PRDM16: variants seen among roughly 807,000 people sequenced by gnomAD.
The protein encoded by PRDM16 is PR/SET domain 16.
PRDM16 carries 23 observed loss-of-function variants against 110.6 expected under a neutral mutation model. The ratio of observed to expected loss-of-function variants is 0.21; its 90% confidence interval spans 0.15 to 0.29. The LOEUF is 0.29. PRDM16 is among the 10% of genes least tolerant of loss of function. The pLI, the probability that PRDM16 is intolerant of heterozygous loss-of-function variation, is 1.00. For synonymous variants in PRDM16, 799 were observed against 781.8 expected (o/e 1.02, Z -0.37); for missense variants, 1,615 against 1,794.3 (o/e 0.90, Z 1.81).
intron 1 of PRDM16, among the ~76,000 whole-genome samples, chr1:3,105,149 G>A (rs575093712): frequency 2.0e-5 from 3 of 152,282 alleles, no homozygotes; most frequent in Admixed American, 6.5e-5. Context: ...CCCTCCCCAC[G>A]ATGGCCACAG....
chr1:3,237,199 C>T (rs977607762), intron 2 of PRDM16, among the ~76,000 whole-genome samples: 3 of 152,156 alleles, frequency 2.0e-5, no homozygotes, highest in Non-Finnish European at 4.4e-5. Flanking sequence ...GAGCCCCTGC[C>T]TGAGTGAAAT....
chr1:3,394,344 A>G, intron 4 of PRDM16: 1 of 367,160 alleles, frequency 2.7e-6, no homozygotes, highest in South Asian at 1.8e-5. Flanking sequence ...GGAGGGGGCC[A>G]GGCGGAGGAT....
At chr1:3,405,734 C>G (rs1413752696) in intron 8 of PRDM16, 86 bp downstream of exon 8, 1 of 1,369,432 alleles carries the variant, frequency 7.3e-7, no homozygotes, top group Non-Finnish European at 9.8e-7. Flanking sequence ...CCCCCAAGGT[C>G]TCCCCCGATC....
At chr1:3,076,760 C>T (rs181528682) in intron 1 of PRDM16, among the ~76,000 whole-genome samples, 129 of 152,316 alleles carry the variant, frequency 8.5e-4, no homozygotes, top group African/African-American at 2.6e-3. Flanking sequence ...GAAACCGGCT[C>T]GGCTTCCTTG....
chr1:3,380,931 G>T (rs377364333), intron 3 of PRDM16, among the ~76,000 whole-genome samples: 158 of 152,322 alleles, frequency 1.0e-3, no homozygotes, highest in African/African-American at 3.7e-3. Flanking sequence ...GCACAGGTGG[G>T]TCCCTAGACC....
chr1:3,198,852 G>A (rs997163288), intron 2 of PRDM16, among the ~76,000 whole-genome samples: 3 of 152,138 alleles, frequency 2.0e-5, no homozygotes, highest in East Asian at 1.9e-4. Context: ...GTTCAATCAT[G>A]TTCAAAAATA....
intron 1 of PRDM16, among the ~76,000 whole-genome samples, chr1:3,071,556 C>T (rs979058890): frequency 6.6e-6 from 1 of 152,264 alleles, no homozygotes; most frequent in African/African-American, 2.4e-5. Flanking sequence ...TTCAGGATCA[C>T]ACTGCCTGCC....
intron 1 of PRDM16, among the ~76,000 whole-genome samples, chr1:3,096,858 C>T (rs1386510362): frequency 1.3e-5 from 2 of 152,208 alleles, no homozygotes; most frequent in African/African-American, 4.8e-5. Flanking sequence ...TTCTGCCCAC[C>T]ACCAGGTGAG....
At chr1:3,126,463 G>A (rs1433172640) in intron 1 of PRDM16, among the ~76,000 whole-genome samples, 7 of 152,212 alleles carry the variant, frequency 4.6e-5, no homozygotes, top group African/African-American at 1.4e-4. Flanking sequence ...AGCACCTGGG[G>A]TCCAGACAGC....
At chr1:3,103,166 C>T (rs946791855) in intron 1 of PRDM16, among the ~76,000 whole-genome samples, 3 of 152,166 alleles carry the variant, frequency 2.0e-5, no homozygotes, top group Non-Finnish European at 4.4e-5. Context: ...TGAGCTGGGG[C>T]GGCTGTAACC....
At chr1:3,395,762 G>T (rs883679) in intron 4 of PRDM16, among the ~76,000 whole-genome samples, 13,534 of 152,204 alleles carry the variant, frequency 0.089, 628 homozygotes, top group African/African-American at 0.11. Context: ...GAGGCCCCTG[G>T]CAAGCTGCAG....
chr1:3,420,822 G>T (rs908313673), intron 12 of PRDM16, among the ~76,000 whole-genome samples: 2 of 152,200 alleles, frequency 1.3e-5, no homozygotes, highest in Non-Finnish European at 2.9e-5. Context: ...TGGGAGTGGG[G>T]AGAGGGGCTG....
rs756109644 is a variant in PRDM16, at chr1:3,436,629, G to A, written c.*2818G>A. ...GTGGCCCCAGGCCCCAGCGAGCCTC[G>A]CCCTCCCAGTTTTGCTCTGCCCAGC... On this transcript the variant is annotated 3_prime_UTR_variant, in exon 17 of 17. Coordinates refer to ENST00000270722, the MANE Select transcript of PRDM16 (RefSeq NM_022114.4). 20 of 222,398 alleles carry A rather than the reference G, an allele frequency of 9.0e-5. No homozygotes were observed. The highest frequency in any genetic ancestry group is 1.9e-4 in the South Asian group (1 of 5,262). The allele number at this position is 222,398 out of a possible 1,614,324, so 13.8% of individuals were successfully genotyped here.
intron 1 of PRDM16, among the ~76,000 whole-genome samples, chr1:3,114,202 C>A (rs1286884287): frequency 8.4e-6 from 1 of 118,512 alleles, no homozygotes; most frequent in Non-Finnish European, 1.6e-5. Context: ...CGCACACGCA[C>A]GCACACACGC....
chr1:3,199,391 C>T (rs1318625037), intron 2 of PRDM16, among the ~76,000 whole-genome samples: 2 of 152,340 alleles, frequency 1.3e-5, no homozygotes, highest in South Asian at 4.1e-4. Flanking sequence ...GCCGGGCCTC[C>T]GGAGCCCCTT....
rs1479557932 is a variant in PRDM16, at chr1:3,361,115, A to T, written c.439-24037A>T. On this transcript the variant is annotated intron_variant, in intron 3 of 16. Transcript: ENST00000270722. ...AGTGGGGACAGTTTTAAGAGGCAGC[A>T]TTCCTCGCCTCACATTTCGGCTCTG... Among the ~76,000 whole-genome samples, 3 of 152,222 alleles carry T rather than the reference A, an allele frequency of 2.0e-5. No homozygotes were observed. The South Asian group carries it at 6.2e-4, about 32-fold the overall frequency.
chr1:3,157,340 C>G lies in PRDM16; in HGVS notation c.38-28785C>G, dbSNP rs189674326. ...AGCCAGCATTTTGTTGTGTTTACCGCATTTATTCTATTGATTGACTGAATT... is the reference window on the plus strand; with the variant it reads ...AGCCAGCATTTTGTTGTGTTTACCGGATTTATTCTATTGATTGACTGAATT... On this transcript the variant is annotated intron_variant, in intron 1 of 16. Transcript: ENST00000270722. This position sits in a 1 kb window ranked among gnomAD's most constrained non-coding sequence, Gnocchi z 4.8. Among the ~76,000 whole-genome samples, 643 of 150,942 alleles carry G rather than the reference C, an allele frequency of 4.3e-3. 7 individuals carry two copies. Among genetic ancestry groups the G allele is most frequent in the Admixed American group, 0.025 (382 of 15,180 alleles).
intron 1 of PRDM16, among the ~76,000 whole-genome samples, chr1:3,108,126 G>A (rs1353156152): frequency 6.6e-6 from 1 of 152,258 alleles, no homozygotes; most frequent in Non-Finnish European, 1.5e-5. Context: ...CACACAGAGT[G>A]TGAAATCTTA....
At chr1:3,165,077 A>C (rs1281705564) in intron 1 of PRDM16, among the ~76,000 whole-genome samples, 2 of 152,244 alleles carry the variant, frequency 1.3e-5, no homozygotes, top group Non-Finnish European at 2.9e-5. Context: ...GGCCAGTCAC[A>C]GGAGCTCCGG....
Sources: allele counts gnomAD v4.1 joint callset (sites outside exome capture counted in the v4.1 genomes callset), GRCh38; gene constraint gnomAD v4.1.1; non-coding constraint Gnocchi (gnomAD v3.1); transcripts MANE v1.5; gene names NCBI Gene and HGNC (gene_info 2026-07-23, HGNC 2026-07-21).